PPP4R2: variants seen among roughly 807,000 people sequenced by gnomAD.
PPP4R2 encodes serine/threonine-protein phosphatase 4 regulatory subunit 2.
PPP4R2 carries 13 observed loss-of-function variants against 47.2 expected under a neutral mutation model. The ratio of observed to expected loss-of-function variants is 0.28; its 90% CI spans 0.18 to 0.44. The LOEUF (loss-of-function observed/expected upper bound fraction) is 0.44. Ranked by LOEUF, PPP4R2 falls within the 20% of genes least tolerant of loss-of-function variation. The probability of loss-of-function intolerance (pLI) is 1.00; values close to 1 mark genes in which losing one functional copy is unlikely to be tolerated. For missense variants in PPP4R2, 421 were observed against 491.2 expected, an observed-to-expected ratio of 0.86 and a Z score of 1.35; for synonymous variants, 151 against 163.3, an observed-to-expected ratio of 0.92 and a Z score of 0.57.
intron 3 of PPP4R2, among the ~76,000 whole-genome samples, chr3:73,051,916 C>T (rs1205358619): frequency 1.1e-4 from 17 of 152,184 alleles, no homozygotes; most frequent in Admixed American, 7.2e-4. Flanking sequence ...TGAACCACTG[C>T]GCCCGGCCAA....
chr3:73,060,036 G>A (rs1457142705), intron 4 of PPP4R2, among the ~76,000 whole-genome samples: 1 of 152,048 alleles, frequency 6.6e-6, no homozygotes, highest in Non-Finnish European at 1.5e-5. Flanking sequence ...AAAAATGAAG[G>A]AAGCCCTGTG....
intron 2 of PPP4R2, chr3:73,014,970 C>T (rs537572751): frequency 1.6e-5 from 11 of 692,630 alleles, no homozygotes; most frequent in Middle Eastern, 2.3e-4. Flanking sequence ...TCCCAAACTG[C>T]GGGGATTGCA....
intron 2 of PPP4R2, among the ~76,000 whole-genome samples, chr3:73,007,337 A>G (rs1559547186): frequency 6.6e-6 from 1 of 152,216 alleles, no homozygotes; most frequent in Non-Finnish European, 1.5e-5. Context: ...ACAGTAAGAA[A>G]ATAAAAGGTG....
At chr3:73,008,318 T>C (rs916503014) in intron 2 of PPP4R2, among the ~76,000 whole-genome samples, 10 of 152,220 alleles carry the variant, frequency 6.6e-5, no homozygotes, top group African/African-American at 2.4e-4. Flanking sequence ...AGTGAAGTTA[T>C]TAAGATATGA....
intron 2 of PPP4R2, among the ~76,000 whole-genome samples, chr3:73,009,740 A>T (rs1701684427): frequency 6.6e-6 from 1 of 152,240 alleles, no homozygotes; most frequent in South Asian, 2.1e-4. Context: ...TCCATAGCAA[A>T]AAACTGAATC....
chr3:73,049,508 G>A (rs189525323), intron 3 of PPP4R2, among the ~76,000 whole-genome samples: 112 of 150,694 alleles, frequency 7.4e-4, no homozygotes, highest in Admixed American at 2.0e-3. Flanking sequence ...CAAAAAAAAA[G>A]AGAATACTTC....
chr3:72,997,337 C>A, intron 1 of PPP4R2: 1 of 380,396 alleles, frequency 2.6e-6, no homozygotes, highest in Non-Finnish European at 4.7e-6. Flanking sequence ...GTCTTTCTCC[C>A]ACCCGTTCAG....
chr3:73,017,576 G>C (rs1701868199), intron 2 of PPP4R2, among the ~76,000 whole-genome samples: 1 of 152,158 alleles, frequency 6.6e-6, no homozygotes. Context: ...AAAGAGATTG[G>C]TTATTTCTGT....
chr3:73,035,642 T>A (rs763518737), intron 2 of PPP4R2, among the ~76,000 whole-genome samples: 4 of 152,098 alleles, frequency 2.6e-5, no homozygotes, highest in Non-Finnish European at 5.9e-5. Flanking sequence ...TTTCCATTTT[T>A]GAGATGGAGT....
intron 2 of PPP4R2, among the ~76,000 whole-genome samples, chr3:73,016,948 A>T (rs1435704171): frequency 2.0e-5 from 3 of 150,194 alleles, no homozygotes; most frequent in African/African-American, 7.4e-5. Flanking sequence ...TGCTTCAGCC[A>T]CCCGAGTAGC....
Position 73,043,326 on chromosome 3 carries a change from G to GT in PPP4R2, c.117-3858dup, listed in dbSNP as rs1194793809. On this transcript the variant is annotated intron_variant, in intron 2 of 8. Coordinates refer to ENST00000356692, the MANE Select transcript of PPP4R2 (RefSeq NM_174907.4). ...AAATTAAAAATTAAAAATTCTGCTTGTTAAACCTCAAATTCCCCTTTCTAA... is the reference window on the plus strand; with the variant it reads ...AAATTAAAAATTAAAAATTCTGCTTGTTTAAACCTCAAATTCCCCTTTCTAA... 5.3e-5 allele frequency among the ~76,000 whole-genome samples: 8 copies of GT among 152,112 alleles called. No homozygotes were observed. In the East Asian group the frequency reaches 1.5e-3, roughly 29 times the overall value.
At chr3:73,035,781 ACGCCTGG>A (rs1460992038) in intron 2 of PPP4R2, among the ~76,000 whole-genome samples, 1 of 151,948 alleles carries the variant, frequency 6.6e-6, no homozygotes, top group African/African-American at 2.4e-5. Context: ...ACACACCACA[ACGCCTGG>A]CTAATTTTTA....
At chr3:73,058,616 A>G (rs1465293945) in intron 3 of PPP4R2, among the ~76,000 whole-genome samples, 1 of 152,046 alleles carries the variant, frequency 6.6e-6, no homozygotes. Context: ...CATCAGGGTA[A>G]ATGGGTTATC....
rs1702846835 is a variant in PPP4R2 at position 73,061,009 on chromosome 3, T to G, written c.382-14T>G. 6.5e-7 allele frequency: 1 copy of G among 1,546,990 alleles called. No homozygotes were observed. Among genetic ancestry groups the G allele is most frequent in the African/African-American group, 1.4e-5 (1 of 72,634 alleles). ...CTTTTCTTCATACTAAATCACTGAT[T>G]TTTGTTATTGCAGAATGTGATGGTT... On this transcript the variant is annotated splice_polypyrimidine_tract_variant and intron_variant, in intron 4 of 8. Transcript: ENST00000356692.
intron 3 of PPP4R2, among the ~76,000 whole-genome samples, 179 bp from the exon 4 acceptor site, chr3:73,058,858 T>A (rs1282165382): frequency 2.1e-5 from 3 of 144,206 alleles, no homozygotes; most frequent in African/African-American, 7.7e-5. Context: ...AATAGAAAGG[T>A]ATGCTTATTT....
intron 2 of PPP4R2, among the ~76,000 whole-genome samples, chr3:72,999,580 C>G (rs969569009): frequency 2.6e-5 from 4 of 152,218 alleles, no homozygotes; most frequent in Non-Finnish European, 5.9e-5. Flanking sequence ...TTTGTACACA[C>G]TGCTTTCCCT....
At chr3:73,014,617 C>G (rs1402951726) in intron 2 of PPP4R2, among the ~76,000 whole-genome samples, 4 of 152,120 alleles carry the variant, frequency 2.6e-5, no homozygotes, top group African/African-American at 7.2e-5. Context: ...GCTTTTAAAT[C>G]TGAAAATCTG....
chr3:73,002,006 G>T (rs995541100), intron 2 of PPP4R2, among the ~76,000 whole-genome samples: 1 of 143,060 alleles, frequency 7.0e-6, no homozygotes, highest in Non-Finnish European at 1.6e-5. Flanking sequence ...TATCTCTCCT[G>T]TTCCTTGCTC....
intron 2 of PPP4R2, chr3:73,015,020 G>T (rs1048934728): frequency 3.0e-6 from 2 of 660,202 alleles, no homozygotes; most frequent in Admixed American, 2.3e-5. Context: ...TTTTTTCCTC[G>T]AAATATACTC....
Sources: gnomAD v4.1 joint callset for allele counts (sites outside exome capture counted in the v4.1 genomes callset) on GRCh38, gnomAD v4.1.1 for gene constraint, MANE v1.5 for transcripts, NCBI Gene and HGNC (gene_info 2026-07-23, HGNC 2026-07-21) for gene names.